PIP4K2A: variants seen among roughly 807,000 people sequenced by gnomAD.
PIP4K2A encodes phosphatidylinositol-5-phosphate 4-kinase type 2 alpha, also known as phosphatidylinositol 5-phosphate 4-kinase type-2 alpha.
PIP4K2A carries 14 observed loss-of-function variants against 42.9 expected under a neutral mutation model. The observed-to-expected ratio is 0.33, with a 90% confidence interval of 0.22 to 0.51. The LOEUF is 0.51. PIP4K2A is among the 20% of genes least tolerant of loss of function. The pLI, the probability that PIP4K2A is intolerant of heterozygous loss-of-function variation, is 0.97. For synonymous variants in PIP4K2A, 192 were observed against 192.2 expected (o/e 1.00, Z 0.01); for missense variants, 434 against 519.8 (o/e 0.83, Z 1.61).
At chr10:22,586,548 C>T (rs527767815) in intron 4 of PIP4K2A, among the ~76,000 whole-genome samples, 14 of 151,678 alleles carry the variant, frequency 9.2e-5, no homozygotes, top group African/African-American at 2.9e-4. Flanking sequence ...TTCTTTTTTT[C>T]GAAACGGAGT....
chr10:22,664,058 TATAC>T, intron 1 of PIP4K2A, among the ~76,000 whole-genome samples: 3 of 83,834 alleles, frequency 3.6e-5, no homozygotes, highest in Admixed American at 1.2e-4. Context: ...CATATGTATA[TATAC>T]ATATATATAT....
intron 1 of PIP4K2A, among the ~76,000 whole-genome samples, chr10:22,611,065 A>T (rs1838024288): frequency 6.6e-6 from 1 of 152,268 alleles, no homozygotes; most frequent in African/African-American, 2.4e-5. Flanking sequence ...ATAATGATTC[A>T]GAATTTTCCA....
At chr10:22,611,759 T>C (rs1231114579) in intron 1 of PIP4K2A, among the ~76,000 whole-genome samples, 1 of 152,082 alleles carries the variant, frequency 6.6e-6, no homozygotes, top group Non-Finnish European at 1.5e-5. Flanking sequence ...GTTTGAAAAA[T>C]AACAGAAAAA....
chr10:22,681,572 G>C (rs1211734144), intron 1 of PIP4K2A, among the ~76,000 whole-genome samples: 1 of 152,154 alleles, frequency 6.6e-6, no homozygotes, highest in Non-Finnish European at 1.5e-5. Context: ...ATACTCAAGA[G>C]GCTGAGGTAG....
chr10:22,545,829 C>T (rs536616558), intron 7 of PIP4K2A, among the ~76,000 whole-genome samples: 21 of 152,264 alleles, frequency 1.4e-4, no homozygotes, highest in Admixed American at 4.6e-4. Context: ...CTCACCCTCC[C>T]GAGGAGCTGG....
At chr10:22,591,204 T>C (rs1402481415) in intron 4 of PIP4K2A, among the ~76,000 whole-genome samples, 1 of 152,232 alleles carries the variant, frequency 6.6e-6, no homozygotes, top group Non-Finnish European at 1.5e-5. Flanking sequence ...GTGAATGGCG[T>C]GGGCCCTGCT....
chr10:22,620,808 C>A (rs1229724826), intron 1 of PIP4K2A, among the ~76,000 whole-genome samples: 1 of 152,196 alleles, frequency 6.6e-6, no homozygotes. Context: ...CTGGTGCCTG[C>A]ACTTGGGAGA....
At chr10:22,600,476 C>T (rs1485189092) in intron 3 of PIP4K2A, among the ~76,000 whole-genome samples, 2 of 152,022 alleles carry the variant, frequency 1.3e-5, no homozygotes, top group African/African-American at 4.8e-5. Context: ...AAACTGAGAC[C>T]CACCAGGGGT....
chr10:22,557,443 G>C (rs1316943648), intron 6 of PIP4K2A, among the ~76,000 whole-genome samples: 3 of 152,154 alleles, frequency 2.0e-5, no homozygotes, highest in African/African-American at 7.2e-5. Flanking sequence ...TTTACCAAAA[G>C]AGTTAAATGC....
chr10:22,633,741 G>A (rs1034589093), intron 1 of PIP4K2A, among the ~76,000 whole-genome samples: 2 of 152,146 alleles, frequency 1.3e-5, no homozygotes, highest in Non-Finnish European at 2.9e-5. Context: ...GGTCACCAAG[G>A]AAACAATAAA....
chr10:22,603,990 C>A (rs888953903), intron 3 of PIP4K2A, among the ~76,000 whole-genome samples: 2 of 136,098 alleles, frequency 1.5e-5, no homozygotes, highest in African/African-American at 5.9e-5. Flanking sequence ...CACACATGCG[C>A]GAGCACACAC....
rs1221466525 is a variant in PIP4K2A, at chr10:22,573,389, A to G, written c.561T>C (p.Asp187=). ...QFLGMYRLNV[D]GVEIYVIVTR... Reference sequence around the variant, plus strand: ...TAACTATCACATATATTTCAACTCCATCAACATTAAGCCGGTACATGCCCA... The same window carrying G: ...TAACTATCACATATATTTCAACTCCGTCAACATTAAGCCGGTACATGCCCA... The change falls in exon 5 of 10, where the codon GAT becomes GAC. Residue 187 remains aspartate (D), a synonymous_variant. Transcript: ENST00000376573. The G allele has an allele frequency of 6.2e-7, 1 of 1,613,662 alleles. No homozygotes were observed. Among genetic ancestry groups the G allele is most frequent in the South Asian group, 1.1e-5 (1 of 91,078 alleles).
chr10:22,709,574 A>C (rs1370390194), intron 1 of PIP4K2A, among the ~76,000 whole-genome samples: 1 of 152,224 alleles, frequency 6.6e-6, no homozygotes, highest in African/African-American at 2.4e-5. Context: ...CTTGCCGGCA[A>C]CCTATCTAAA....
chr10:22,543,228 A>T (rs1218390280), intron 7 of PIP4K2A, among the ~76,000 whole-genome samples: 1 of 152,158 alleles, frequency 6.6e-6, no homozygotes, highest in Non-Finnish European at 1.5e-5. Context: ...ACCCCTGGGC[A>T]CAGGGCTATC....
intron 1 of PIP4K2A, among the ~76,000 whole-genome samples, chr10:22,655,191 G>A (rs1252158654): frequency 6.6e-6 from 1 of 152,208 alleles, no homozygotes; most frequent in East Asian, 1.9e-4. Context: ...ACCACCAGGT[G>A]GAAAAATAAC....
At chr10:22,613,114 G>C (rs954000179) in intron 1 of PIP4K2A, among the ~76,000 whole-genome samples, 13 of 152,286 alleles carry the variant, frequency 8.5e-5, no homozygotes, top group Middle Eastern at 3.4e-3. Context: ...GTTCAAACAT[G>C]CTATGGGATG....
At chr10:22,630,125 T>C (rs1564448934) in intron 1 of PIP4K2A, among the ~76,000 whole-genome samples, 1 of 150,260 alleles carries the variant, frequency 6.7e-6, no homozygotes, top group Non-Finnish European at 1.5e-5. Context: ...ACGCTTAAGG[T>C]CAGGAGTTTT....
At position 22,676,671 on chromosome 10, in the gene PIP4K2A, GAAC is replaced by G. The variant is rs1839566873; in HGVS notation, c.144+37509_144+37511del. 2.0e-5 allele frequency among the ~76,000 whole-genome samples: 3 copies of G among 152,154 alleles called. No individual in the cohort carries two copies. The South Asian group carries it at 6.2e-4, about 32-fold the overall frequency. ...AGGCTCTTCCTGCTGATGAATCAGA[GAAC>G]AAGAAGTAAAAGGTACATCTGCTTA... On this transcript the variant is annotated intron_variant, in intron 1 of 9. Coordinates refer to ENST00000376573, the MANE Select transcript of PIP4K2A (RefSeq NM_005028.5).
At chr10:22,554,656 C>T (rs956751302) in intron 6 of PIP4K2A, among the ~76,000 whole-genome samples, 7 of 152,222 alleles carry the variant, frequency 4.6e-5, no homozygotes, top group Non-Finnish European at 4.4e-5. Flanking sequence ...TCTGAAGTGG[C>T]GGCGGGCCGA....
Sources: gnomAD v4.1 joint callset for allele counts (sites outside exome capture counted in the v4.1 genomes callset) on GRCh38, gnomAD v4.1.1 for gene constraint, MANE v1.5 for transcripts, NCBI Gene and HGNC (gene_info 2026-07-23, HGNC 2026-07-21) for gene names.